The following TACR3 variants were observed in gnomAD, a reference collection of about 807,000 sequenced individuals.
TACR3 encodes tachykinin receptor 3.
TACR3 carries 34 observed loss-of-function variants against 35.0 expected under a neutral mutation model. That is an observed-to-expected ratio of 0.97 (90% CI 0.74 to 1.30). The LOEUF is 1.30. Among genes scored for constraint, TACR3 ranks in the 50% most tolerant of loss-of-function variants. The pLI is 0.00. For missense variants in TACR3, 558 were observed against 591.7 expected, an observed-to-expected ratio of 0.94 and a Z score of 0.59; for synonymous variants, 233 against 221.1, an observed-to-expected ratio of 1.05 and a Z score of -0.48.
intron 3 of TACR3, among the ~76,000 whole-genome samples, chr4:103,603,774 T>A (rs943434461): frequency 1.3e-5 from 2 of 152,194 alleles, no homozygotes; most frequent in African/African-American, 4.8e-5. Context: ...GTTGAACTAA[T>A]TTATATTCCC....
chr4:103,611,603 C>T (rs2110297493), intron 3 of TACR3, among the ~76,000 whole-genome samples: 1 of 152,154 alleles, frequency 6.6e-6, no homozygotes, highest in East Asian at 1.9e-4. Context: ...TTGGAGGTGC[C>T]AGCTAATTAT....
intron 1 of TACR3, among the ~76,000 whole-genome samples, chr4:103,663,056 GTT>G (rs1725863236): frequency 6.6e-6 from 1 of 152,180 alleles, no homozygotes; most frequent in Non-Finnish European, 1.5e-5. Context: ...AGGGAAGGTG[GTT>G]TAAGATGAAG....
At chr4:103,642,710 C>T (rs1725382455) in intron 3 of TACR3, among the ~76,000 whole-genome samples, 1 of 151,580 alleles carries the variant, frequency 6.6e-6, no homozygotes, top group African/African-American at 2.4e-5. Flanking sequence ...TACGTACATA[C>T]AGGTAGATAT....
At chr4:103,638,499 C>G (rs1025959160) in intron 3 of TACR3, among the ~76,000 whole-genome samples, 1 of 151,846 alleles carries the variant, frequency 6.6e-6, no homozygotes, top group African/African-American at 2.4e-5. Flanking sequence ...AGAAGAAAAC[C>G]TAGGCGATAC....
intron 1 of TACR3, among the ~76,000 whole-genome samples, chr4:103,700,631 G>C (rs1466418626): frequency 6.6e-6 from 1 of 152,060 alleles, no homozygotes; most frequent in Non-Finnish European, 1.5e-5. Context: ...ATGTTACCAG[G>C]ACTCTCTTGC....
chr4:103,702,557 A>G (rs112623956), intron 1 of TACR3, among the ~76,000 whole-genome samples: 4,885 of 152,216 alleles, frequency 0.032, 114 homozygotes, highest in Non-Finnish European at 0.05. Context: ...CTGGGTATAT[A>G]CCCAAAGGAT....
At chr4:103,593,352 C>A (rs889149949) in intron 3 of TACR3, 1 of 151,650 alleles carries the variant, frequency 6.6e-6, no homozygotes, top group African/African-American at 2.4e-5. Flanking sequence ...GGTTGAGGAC[C>A]AATTCCTCAT....
chr4:103,660,679 A>T lies in TACR3; in HGVS notation c.549-2276T>A, dbSNP rs75954935. Among the ~76,000 whole-genome samples, 108 of 152,132 alleles carry T rather than the reference A, an allele frequency of 7.1e-4. 3 individuals are homozygous for T. In the East Asian group the frequency reaches 0.018, roughly 26 times the overall value. The stretch of plus-strand genomic sequence containing the variant: ...TACATTAAATATGTGCATTTTTTGT[A>T]TATCAAGTATACCTCAATAAAGCTT... On this transcript the variant is annotated intron_variant, in intron 1 of 4. Coordinates refer to ENST00000304883, the MANE Select transcript of TACR3 (RefSeq NM_001059.3).
chr4:103,630,273 C>T (rs894119236), intron 3 of TACR3, among the ~76,000 whole-genome samples: 1 of 152,278 alleles, frequency 6.6e-6, no homozygotes, highest in East Asian at 1.9e-4. Flanking sequence ...AGGACATAGG[C>T]ATGGGCAAGG....
At chr4:103,668,247 T>A (rs1725975470) in intron 1 of TACR3, among the ~76,000 whole-genome samples, 1 of 152,130 alleles carries the variant, frequency 6.6e-6, no homozygotes, top group Admixed American at 6.5e-5. Flanking sequence ...AAATTATAGG[T>A]TTCCCAGCAC....
intron 3 of TACR3, among the ~76,000 whole-genome samples, chr4:103,642,247 T>C (rs1382095074): frequency 6.6e-6 from 1 of 151,190 alleles, no homozygotes; most frequent in Non-Finnish European, 1.5e-5. Context: ...ATATATATAA[T>C]CACATCATAT....
At chr4:103,654,821 A>G (rs988172216) in intron 3 of TACR3, among the ~76,000 whole-genome samples, 3 of 152,126 alleles carry the variant, frequency 2.0e-5, no homozygotes, top group African/African-American at 7.2e-5. Flanking sequence ...AGATATAGCT[A>G]TAAGAAATTA....
At chr4:103,650,305 A>C (rs1379226989) in intron 3 of TACR3, among the ~76,000 whole-genome samples, 1 of 151,766 alleles carries the variant, frequency 6.6e-6, no homozygotes, top group Non-Finnish European at 1.5e-5. Context: ...CAAACACAGC[A>C]CTGGGGTTCA....
chr4:103,627,751 C>A (rs1724938080), intron 3 of TACR3, among the ~76,000 whole-genome samples: 3 of 152,124 alleles, frequency 2.0e-5, no homozygotes, highest in Admixed American at 1.3e-4. Context: ...AGAAGGTTAA[C>A]AAGGATATCC....
At chr4:103,625,163 T>C (rs1724862354) in intron 3 of TACR3, among the ~76,000 whole-genome samples, 1 of 152,092 alleles carries the variant, frequency 6.6e-6, no homozygotes, top group South Asian at 2.1e-4. Flanking sequence ...TAAGGACATA[T>C]GAAAAAATTA....
At chr4:103,681,994 TA>T (rs1722101552) in intron 1 of TACR3, among the ~76,000 whole-genome samples, 1 of 152,176 alleles carries the variant, frequency 6.6e-6, no homozygotes, top group Non-Finnish European at 1.5e-5. Flanking sequence ...CACTCTTAAA[TA>T]ATTCATGTAT....
intron 1 of TACR3, among the ~76,000 whole-genome samples, chr4:103,692,591 T>C (rs1722430209): frequency 6.6e-6 from 1 of 152,186 alleles, no homozygotes; most frequent in Admixed American, 6.6e-5. Context: ...GAGCGTTTCA[T>C]CACCATCACG....
At position 103,589,531 on chromosome 4, in the gene TACR3, A is replaced by G. The variant is rs192623962; in HGVS notation, c.*151T>C. 1.3e-6 allele frequency: 1 copy of G among 778,424 alleles called. No homozygotes were observed. Among genetic ancestry groups the G allele is most frequent in the Admixed American group, 2.4e-5 (1 of 41,556 alleles). 48.2% of individuals were successfully genotyped at this position (778,424 alleles called of 1,614,324 possible). A position where few individuals can be genotyped will look rare whatever the true frequency, so the allele number is the denominator to read the frequency against. On this transcript the variant is annotated 3_prime_UTR_variant, in exon 5 of 5. Transcript: ENST00000304883. ...TGTTATTAGTGTCTTTGTCACATTT[A>G]TACACTACCTTTCTCAATTTGACCA... is the stretch of plus-strand genomic sequence containing the variant.
intron 3 of TACR3, among the ~76,000 whole-genome samples, chr4:103,622,791 A>G (rs908970132): frequency 1.3e-5 from 2 of 152,184 alleles, no homozygotes; most frequent in Admixed American, 1.3e-4. Context: ...TTATTCAGGT[A>G]CCAGAGAAGA....
Sources: allele counts gnomAD v4.1 joint callset (sites outside exome capture counted in the v4.1 genomes callset), GRCh38; gene constraint gnomAD v4.1.1; transcripts MANE v1.5; gene names NCBI Gene and HGNC (gene_info 2026-07-23, HGNC 2026-07-21).